The following PCDHA3 variants were observed in gnomAD, a reference collection of about 807,000 sequenced individuals.
PCDHA3 encodes the protein protocadherin alpha-3.
Under a neutral mutation model 62.2 loss-of-function variants are expected in PCDHA3, and 41 were observed. That is an observed-to-expected ratio of 0.66 (90% CI 0.51 to 0.86). PCDHA3 has a LOEUF of 0.86. PCDHA3 is among the 40% of genes least tolerant of loss of function. The pLI, the probability that PCDHA3 is intolerant of heterozygous loss-of-function variation, is 0.00. For synonymous variants in PCDHA3, 640 were observed against 555.4 expected (o/e 1.15, Z -2.14); for missense variants, 1,304 against 1,241.2 (o/e 1.05, Z -0.76).
rs1235174178 is a variant in PCDHA3 at position 140,803,674 on chromosome 5, A to C, written c.2394+83A>C. The C allele has an allele frequency of 1.9e-6, 3 of 1,595,422 alleles. No homozygotes were observed. In the African/African-American group the frequency reaches 4.0e-5, roughly 22 times the overall value. On this transcript the variant is annotated intron_variant, in intron 1 of 3. Coordinates refer to ENST00000522353, the MANE Select transcript of PCDHA3 (RefSeq NM_018906.3). ...TCCACTCCTCTGGAAATACATTAAT[A>C]GTTAAGTATGAATTATGTGATTCAT...
At chr5:140,987,439 A>G (rs1407783928) in intron 3 of PCDHA3, among the ~76,000 whole-genome samples, 18 of 152,154 alleles carry the variant, frequency 1.2e-4, no homozygotes, top group African/African-American at 3.9e-4. Flanking sequence ...GCCTTTCCCC[A>G]TGCCCGAGAG....
At position 140,884,470 on chromosome 5, in the gene PCDHA3, G is replaced by A. The variant is rs1453696477; in HGVS notation, c.2394+80879G>A. The A allele has an allele frequency of 2.5e-6, 4 of 1,613,644 alleles. No homozygotes were observed. Among genetic ancestry groups the A allele is most frequent in the South Asian group, 2.2e-5 (2 of 91,036 alleles). On this transcript the variant is annotated intron_variant, in intron 1 of 3. Coordinates refer to ENST00000522353, the MANE Select transcript of PCDHA3 (RefSeq NM_018906.3). The stretch of plus-strand genomic sequence containing the variant: ...CGCCCACCGAGGGCGCGTGCGCGCC[G>A]GGCAAGCCCACTCTAGTGTGCTCCA...
intron 1 of PCDHA3, chr5:140,809,262 C>A: frequency 1.9e-6 from 3 of 1,614,084 alleles, no homozygotes; most frequent in South Asian, 1.1e-5. Flanking sequence ...CCCGATGCTG[C>A]GCTGGTGGAT....
At chr5:140,857,366 G>A in intron 1 of PCDHA3, 1 of 1,598,350 alleles carries the variant, frequency 6.3e-7, no homozygotes, top group Non-Finnish European at 8.6e-7. Context: ...CACGGCCAGC[G>A]TGTCTGTGGA....
In PCDHA3 at chr5:141,011,088, T is replaced by TTCTC. The variant is rs375099849; in HGVS notation, c.*1165_*1168dup. 6.6e-6 allele frequency: 1 copy of TTCTC among 152,032 alleles called. No homozygotes were observed. Among genetic ancestry groups the TTCTC allele is most frequent in the Non-Finnish European group, 1.5e-5 (1 of 67,462 alleles). 9.4% of individuals were successfully genotyped at this position (152,032 alleles called of 1,614,324 possible). A position where few individuals can be genotyped will look rare whatever the true frequency, so the allele number is the denominator to read the frequency against. On this transcript the variant is annotated 3_prime_UTR_variant, in exon 4 of 4. Transcript: ENST00000522353. The stretch of plus-strand genomic sequence containing the variant: ...TATTACTAAATAAAATGATCTCTCT[T>TTCTC]TCTCTCTCTCTCTCTCTTTTCTAAG...
chr5:140,810,580 C>A (rs892828391), intron 1 of PCDHA3: 1 of 152,090 alleles, frequency 6.6e-6, no homozygotes, highest in Non-Finnish European at 1.5e-5. Flanking sequence ...AAGTTGAGTA[C>A]CTTTCTATTT....
intron 1 of PCDHA3, chr5:140,861,762 T>G (rs2047066854): frequency 1.1e-5 from 1 of 90,318 alleles, no homozygotes; most frequent in Non-Finnish European, 2.3e-5. Context: ...TATTTTTCCC[T>G]GGAAATACCA....
At chr5:140,946,077 C>T (rs246055) in intron 1 of PCDHA3, among the ~76,000 whole-genome samples, 85,716 of 151,878 alleles carry the variant, frequency 0.56, 24,786 homozygotes, top group African/African-American at 0.69. Context: ...TTGCAAACCA[C>T]AGATCTGATA....
rs2150104534 is a variant in PCDHA3, at chr5:140,819,537, T to A, written c.2394+15946T>A. Among the ~76,000 whole-genome samples, 9 of 152,268 alleles carry A rather than the reference T, an allele frequency of 5.9e-5. No individual in the cohort carries two copies. In the East Asian group the frequency reaches 1.5e-3, roughly 26 times the overall value. ...TTAACTGGATCAGTCAAGAAAATAA[T>A]CTGTAACATTTGATTGAAGAAAATA... On this transcript the variant is annotated intron_variant, in intron 1 of 3. Coordinates refer to ENST00000522353, the MANE Select transcript of PCDHA3 (RefSeq NM_018906.3).
intron 1 of PCDHA3, among the ~76,000 whole-genome samples, chr5:140,880,215 G>A (rs944497497): frequency 3.3e-5 from 5 of 152,162 alleles, no homozygotes; most frequent in Non-Finnish European, 5.9e-5. Context: ...TCCACCAGAA[G>A]TAGAACATTT....
intron 1 of PCDHA3, among the ~76,000 whole-genome samples, chr5:140,953,003 A>G (rs2094831963): frequency 6.6e-6 from 1 of 152,190 alleles, no homozygotes; most frequent in Non-Finnish European, 1.5e-5. Context: ...CTCTCTCACT[A>G]TTATGAGAAC....
chr5:140,857,657 C>A (rs1207727837), intron 1 of PCDHA3: 1 of 1,596,626 alleles, frequency 6.3e-7, no homozygotes. Flanking sequence ...GGTGAGCGCG[C>A]GCGATGGGGG....
chr5:140,820,619 A>G (rs1581765490), intron 1 of PCDHA3, among the ~76,000 whole-genome samples: 2 of 152,076 alleles, frequency 1.3e-5, no homozygotes, highest in African/African-American at 4.8e-5. Flanking sequence ...TTCAAATCAT[A>G]CCATCCAGTA....
Position 140,803,002 on chromosome 5 carries a change from G to C in PCDHA3, c.1805G>C (p.Gly602Ala), listed in dbSNP as rs1554122512. The change falls in exon 1 of 4, where the codon GGC becomes GCC. Residue 602 changes from glycine (G) to alanine (A), a missense_variant. Transcript: ENST00000522353. ...GTGCGCGCAGTGGATGCAGACTCAGGCTACAACGCGTGGCTTTCGTATGAG... is the reference window on the plus strand; with the variant it reads ...GTGCGCGCAGTGGATGCAGACTCAGCCTACAACGCGTGGCTTTCGTATGAG... ...AKVRAVDADS[G>A]YNAWLSYELQ... The C allele has an allele frequency of 6.2e-7, 1 of 1,614,060 alleles. No homozygotes were observed.
chr5:140,925,026 G>A (rs1440774987), intron 1 of PCDHA3, among the ~76,000 whole-genome samples: 1 of 151,826 alleles, frequency 6.6e-6, no homozygotes, highest in Non-Finnish European at 1.5e-5. Flanking sequence ...TGGGAGGATC[G>A]CTTGAGCCCA....
rs140143150 is a variant in PCDHA3 at position 140,828,784 on chromosome 5, A to C, written c.2394+25193A>C. On this transcript the variant is annotated intron_variant, in intron 1 of 3. Coordinates refer to ENST00000522353, the MANE Select transcript of PCDHA3 (RefSeq NM_018906.3). Reference sequence around the variant, plus strand: ...CAGGCACTGTTCAGCTGCTGGTCACAGTGCTGGATGTGAATGATAATGCTC... The same window carrying C: ...CAGGCACTGTTCAGCTGCTGGTCACCGTGCTGGATGTGAATGATAATGCTC... 6.8e-4 allele frequency: 1,103 copies of C among 1,614,228 alleles called. 2 individuals carry two copies. Among genetic ancestry groups the C allele is most frequent in the Non-Finnish European group, 4.9e-4 (579 of 1,180,028 alleles).
intron 2 of PCDHA3, among the ~76,000 whole-genome samples, chr5:140,981,925 T>C (rs2096957903): frequency 1.3e-5 from 2 of 152,160 alleles, no homozygotes; most frequent in South Asian, 2.1e-4. Flanking sequence ...CAAGTTTCTC[T>C]AGTCTCAGGA....
chr5:140,814,647 C>T (rs1426131751), intron 1 of PCDHA3: 29 of 151,982 alleles, frequency 1.9e-4, no homozygotes, highest in Non-Finnish European at 2.5e-4. Context: ...TTTGTTTACA[C>T]CAACATCACC....
chr5:140,934,534 GTTCTAA>G (rs1488792046), intron 1 of PCDHA3, among the ~76,000 whole-genome samples: 7 of 152,064 alleles, frequency 4.6e-5, no homozygotes, highest in Non-Finnish European at 7.4e-5. Flanking sequence ...GAGAGCTACC[GTTCTAA>G]TTCTATCATT....
Sources: allele counts gnomAD v4.1 joint callset (sites outside exome capture counted in the v4.1 genomes callset), GRCh38; gene constraint gnomAD v4.1.1; transcripts MANE v1.5; gene names NCBI Gene and HGNC (gene_info 2026-07-23, HGNC 2026-07-21).